Variants in CSMD3 observed in about 807,000 individuals in gnomAD.
The protein encoded by CSMD3 is CUB and Sushi multiple domains 3.
In CSMD3, 177 loss-of-function variants were observed where a neutral mutation model predicts 435.2. The ratio of observed to expected loss-of-function variants is 0.41; its 90% CI spans 0.36 to 0.46. The LOEUF (loss-of-function observed/expected upper bound fraction) is 0.46, where lower values mean the gene tolerates loss of function less well. Among genes scored for constraint, CSMD3 ranks in the 20% least tolerant of loss-of-function variants. The pLI is 0.34. For missense variants in CSMD3, 4,265 were observed against 4,504.6 expected (o/e 0.95, Z 1.52); for synonymous variants, 1,656 against 1,520.5 (o/e 1.09, Z -2.07).
chr8:112,311,078 G>C lies in CSMD3; in HGVS notation c.7785C>G (p.Ala2595=), dbSNP rs2130814062. Reference sequence around the variant, plus strand: ...CAACAAGTCGGAATCCTCGATCACAGGCCCAACGGACCACACTGTTAAGCT... The same window carrying C: ...CAACAAGTCGGAATCCTCGATCACACGCCCAACGGACCACACTGTTAAGCT... The part of the protein sequence containing the change: ...GGQLNSVVRW[A]CDRGFRLVGK... The change falls in exon 50 of 71, where the codon GCC becomes GCG. Residue 2595 remains alanine (A), a synonymous_variant. Transcript: ENST00000297405. The C allele has an allele frequency of 6.2e-7, 1 of 1,613,986 alleles. No individual in the cohort carries two copies. The highest frequency in any genetic ancestry group is 8.5e-7 in the Non-Finnish European group (1 of 1,179,950).
chr8:113,335,004 G>T (rs552680152), intron 1 of CSMD3, among the ~76,000 whole-genome samples: 87 of 152,172 alleles, frequency 5.7e-4, no homozygotes, highest in Non-Finnish European at 1.1e-3. Flanking sequence ...GGCCTGATGG[G>T]AGGTGATTGA....
chr8:112,937,604 G>C (rs1362306528), intron 9 of CSMD3, among the ~76,000 whole-genome samples: 1 of 152,032 alleles, frequency 6.6e-6, no homozygotes, highest in Non-Finnish European at 1.5e-5. Flanking sequence ...GCCAGCCTCA[G>C]CCTCCCACAG....
At chr8:113,331,509 T>G (rs1358295972) in intron 1 of CSMD3, among the ~76,000 whole-genome samples, 2 of 151,828 alleles carry the variant, frequency 1.3e-5, no homozygotes, top group South Asian at 4.1e-4. Context: ...ATATTCCTTA[T>G]GAATATTGAT....
intron 1 of CSMD3, among the ~76,000 whole-genome samples, chr8:113,401,720 C>T (rs2094510944): frequency 6.6e-6 from 1 of 151,560 alleles, no homozygotes; most frequent in African/African-American, 2.4e-5. Flanking sequence ...TCATGGACTG[C>T]ATAACAATAT....
chr8:113,186,426 C>T (rs2092502721), intron 3 of CSMD3, among the ~76,000 whole-genome samples: 1 of 152,018 alleles, frequency 6.6e-6, no homozygotes, highest in Non-Finnish European at 1.5e-5. Context: ...AGCAGCCTTT[C>T]AAACAGGATG....
chr8:112,492,816 A>G (rs1321130513), intron 30 of CSMD3, 133 bp from the exon 31 acceptor site: 1 of 745,210 alleles, frequency 1.3e-6, no homozygotes, highest in Non-Finnish European at 2.4e-6. Context: ...TCTGTACTGA[A>G]TATATACAGA....
intron 45 of CSMD3, among the ~76,000 whole-genome samples, chr8:112,322,535 A>T (rs1461170868): frequency 6.6e-6 from 1 of 152,108 alleles, no homozygotes; most frequent in African/African-American, 2.4e-5. Flanking sequence ...CTCTATTCTT[A>T]TCAATTGTAT....
chr8:112,916,902 T>C (rs2082588826), intron 10 of CSMD3, among the ~76,000 whole-genome samples: 1 of 151,926 alleles, frequency 6.6e-6, no homozygotes, highest in Non-Finnish European at 1.5e-5. Context: ...AGAGGAATAA[T>C]ATATAAGAGG....
intron 17 of CSMD3, among the ~76,000 whole-genome samples, chr8:112,660,634 G>A (rs190258790): frequency 1.3e-5 from 2 of 152,102 alleles, no homozygotes; most frequent in African/African-American, 4.8e-5. Context: ...AAGGCAAATA[G>A]AAGGCTCAAG....
intron 6 of CSMD3, among the ~76,000 whole-genome samples, chr8:112,977,989 A>G (rs537897568): frequency 6.6e-6 from 1 of 152,142 alleles, no homozygotes; most frequent in South Asian, 2.1e-4. Context: ...GCAGTTTCAT[A>G]CATACATCAT....
chr8:112,451,396 A>T (rs1043588140), intron 32 of CSMD3, among the ~76,000 whole-genome samples: 11 of 152,180 alleles, frequency 7.2e-5, no homozygotes, highest in African/African-American at 2.7e-4. Flanking sequence ...ATAATAGAGC[A>T]TTATTCTTGA....
intron 36 of CSMD3, 60 bp from the exon 37 acceptor site, chr8:112,383,723 G>C (rs959956579): frequency 3.0e-6 from 3 of 993,102 alleles, no homozygotes; most frequent in African/African-American, 3.2e-5. Flanking sequence ...CATAACTATA[G>C]TCCACCAATC....
intron 30 of CSMD3, among the ~76,000 whole-genome samples, chr8:112,494,427 CTT>C (rs1342139934): frequency 1.4e-4 from 21 of 150,170 alleles, no homozygotes; most frequent in African/African-American, 4.6e-4. Flanking sequence ...TTCTTTCTCT[CTT>C]TCTTTCTTTG....
At chr8:112,330,042 A>C (rs1161809150) in intron 45 of CSMD3, among the ~76,000 whole-genome samples, 1 of 152,114 alleles carries the variant, frequency 6.6e-6, no homozygotes, top group Admixed American at 6.6e-5. Context: ...AGCTATTACA[A>C]TACAAAAGGA....
At chr8:113,210,107 G>A (rs2092816804) in intron 3 of CSMD3, among the ~76,000 whole-genome samples, 1 of 150,724 alleles carries the variant, frequency 6.6e-6, no homozygotes, top group Non-Finnish European at 1.5e-5. Flanking sequence ...ATTTTGAAAG[G>A]TTAGGTTCAG....
chr8:112,991,967 T>A (rs549688195), intron 6 of CSMD3, among the ~76,000 whole-genome samples: 1 of 151,966 alleles, frequency 6.6e-6, no homozygotes, highest in East Asian at 1.9e-4. Context: ...GTAAAGGAAG[T>A]TGATATTTTA....
rs377661211 is a variant in CSMD3, at chr8:113,429,906, T to C, written c.178+6771A>G. ...GTGAACTAGCTGATATTTAAGGACC[T>C]ATGAATGTCATGATTTGTGACAAGA... On this transcript the variant is annotated intron_variant, in intron 1 of 70. Coordinates refer to ENST00000297405, the MANE Select transcript of CSMD3 (RefSeq NM_198123.2). Among the ~76,000 whole-genome samples, 25 of 152,316 alleles carry C rather than the reference T, an allele frequency of 1.6e-4. No individual in the cohort carries two copies. The East Asian group carries it at 4.6e-3, about 28-fold the overall frequency.
chr8:113,042,258 G>A (rs181356974), intron 5 of CSMD3, among the ~76,000 whole-genome samples: 2 of 152,150 alleles, frequency 1.3e-5, no homozygotes, highest in Non-Finnish European at 2.9e-5. Flanking sequence ...CAGCGATCAT[G>A]GTTAGAAACA....
At chr8:112,938,164 C>T (rs1331346811) in intron 9 of CSMD3, among the ~76,000 whole-genome samples, 1 of 152,186 alleles carries the variant, frequency 6.6e-6, no homozygotes, top group South Asian at 2.1e-4. Context: ...AAATAAGTTG[C>T]TGCAACATAA....
Sources: allele counts gnomAD v4.1 joint callset (sites outside exome capture counted in the v4.1 genomes callset), GRCh38; gene constraint gnomAD v4.1.1; transcripts MANE v1.5; gene names NCBI Gene and HGNC (gene_info 2026-07-23, HGNC 2026-07-21).